Variants in FLNB observed in about 807,000 individuals in gnomAD.
FLNB encodes filamin-B.
Under a neutral mutation model 250.6 loss-of-function variants are expected in FLNB, and 111 were observed. The observed-to-expected ratio is 0.44, with a 90% CI of 0.38 to 0.52. FLNB has a LOEUF of 0.52. FLNB is among the 20% of genes least tolerant of loss of function. The pLI is 0.00. For missense variants in FLNB, 2,869 were observed against 3,447.8 expected (o/e 0.83, Z 4.20); for synonymous variants, 1,302 against 1,372.1 (o/e 0.95, Z 1.13).
At chr3:58,134,901 A>C in intron 27 of FLNB, 129 bp downstream of exon 27, 1 of 862,076 alleles carries the variant, frequency 1.2e-6, no homozygotes, top group Non-Finnish European at 1.9e-6. Context: ...TTTCCCACCA[A>C]AGAGTCAGTA....
chr3:58,107,796 A>G (rs1300826426), intron 12 of FLNB, among the ~76,000 whole-genome samples: 3 of 152,242 alleles, frequency 2.0e-5, no homozygotes, highest in Non-Finnish European at 4.4e-5. Context: ...GCAGCTGTCC[A>G]TAGGCTGATG....
chr3:58,100,463 A>C (rs1322941315), intron 8 of FLNB, among the ~76,000 whole-genome samples: 1 of 147,274 alleles, frequency 6.8e-6, no homozygotes. Context: ...ATCATGGCTC[A>C]CTTGTAGCCT....
At position 58,164,550 on chromosome 3, in the gene FLNB, G is replaced by A. The variant is rs994777619; in HGVS notation, c.7198+1220G>A. The A allele has an allele frequency of 1.3e-5, 2 of 152,474 alleles. No homozygotes were observed. The highest frequency in any genetic ancestry group is 2.4e-5 in the African/African-American group (1 of 41,438). 9.4% of individuals were successfully genotyped at this position (152,474 alleles called of 1,614,324 possible). ...ATGGTTGCCTGGCATCCAGCCCTAG[G>A]AGCAAGTGACCTGTGTGGCCAAGGG... is the stretch of plus-strand genomic sequence containing the variant. On this transcript the variant is annotated intron_variant, in intron 43 of 45. Transcript: ENST00000295956. This position sits in a 1 kb window ranked among gnomAD's most constrained non-coding sequence, Gnocchi z 4.0.
intron 3 of FLNB, 81 bp downstream of exon 3, chr3:58,078,895 C>A: frequency 1.0e-6 from 1 of 1,002,692 alleles, no homozygotes; most frequent in Non-Finnish European, 1.5e-6. Context: ...GGTCAGGCAG[C>A]CCGACCTTCT....
chr3:58,099,608 C>G (rs1041116815), intron 8 of FLNB, among the ~76,000 whole-genome samples: 1 of 152,128 alleles, frequency 6.6e-6, no homozygotes, highest in African/African-American at 2.4e-5. Context: ...TTGCCTTTCC[C>G]TGTTCTGTCC....
intron 1 of FLNB, among the ~76,000 whole-genome samples, chr3:58,025,043 A>G (rs1423989114): frequency 1.6e-5 from 2 of 125,796 alleles, no homozygotes; most frequent in South Asian, 5.0e-4. Context: ...AAGTAGCTCC[A>G]TTGCCCTCCC....
At chr3:58,061,273 A>C (rs899813659) in intron 1 of FLNB, among the ~76,000 whole-genome samples, 18 of 152,130 alleles carry the variant, frequency 1.2e-4, no homozygotes, top group African/African-American at 4.1e-4. Context: ...TCAAATTTGA[A>C]CCTGTCATAC....
At position 58,153,636 on chromosome 3, in the gene FLNB, T is replaced by A. The variant is rs1462912422; in HGVS notation, c.6629T>A (p.Val2210Asp). The stretch of plus-strand genomic sequence containing the variant: ...GGCCTGGAGAGAGGAGAAGCGGGAG[T>A]CCCAGGTGAGCATTGCGGGCAGGAT... The part of the protein sequence containing the change: ...GPGLERGEAG[V>D]PAEFSIWTRE... Residue 2210 changes from valine (V) to aspartate (D), a missense_variant, in exon 39 of 46, where the codon GTC becomes GAC. This residue lies in a region of FLNB where 1,084 missense variants were observed against 1,315.5 expected (regional missense o/e 0.82). Transcript: ENST00000295956. The A allele has an allele frequency of 6.2e-7, 1 of 1,613,624 alleles. No individual in the cohort carries two copies. Among genetic ancestry groups the A allele is most frequent in the Middle Eastern group, 1.7e-4 (1 of 6,056 alleles).
intron 1 of FLNB, among the ~76,000 whole-genome samples, chr3:58,033,177 A>G (rs1462086354): frequency 6.6e-6 from 1 of 152,324 alleles, no homozygotes; most frequent in Admixed American, 6.5e-5. Flanking sequence ...CTGTGTACAC[A>G]TGTACACTCA....
intron 1 of FLNB, among the ~76,000 whole-genome samples, chr3:58,030,939 A>T (rs1296214325): frequency 6.6e-6 from 1 of 152,224 alleles, no homozygotes; most frequent in Admixed American, 6.5e-5. Context: ...CCTACTGTGT[A>T]TCCACAAAAG....
At chr3:58,108,110 GAACAAA>G in intron 12 of FLNB, among the ~76,000 whole-genome samples, 1 of 151,632 alleles carries the variant, frequency 6.6e-6, no homozygotes, top group Middle Eastern at 3.4e-3. Context: ...GATAGCCGAT[GAACAAA>G]AACAAAAACA....
chr3:58,104,025 C>G lies in FLNB; in HGVS notation c.1550C>G (p.Pro517Arg). The G allele has an allele frequency of 2.5e-6, 4 of 1,613,946 alleles. No homozygotes were observed. The highest frequency in any genetic ancestry group is 3.4e-6 in the Non-Finnish European group (4 of 1,179,996). Residue 517 changes from proline to arginine, a missense_variant, in exon 10 of 46, where the codon CCC becomes CGC. Physicochemically the swap from Pro to Arg is moderately radical, Grantham distance 103. Transcript: ENST00000295956. ...LDGVYAFEYY[P>R]STPGRYSIAI... ...GGGGTCTACGCATTCGAGTATTACC[C>G]CAGCACCCCGGGGAGATACAGCATT...
chr3:58,031,886 T>G (rs892999061), intron 1 of FLNB, among the ~76,000 whole-genome samples: 4 of 151,920 alleles, frequency 2.6e-5, no homozygotes, highest in African/African-American at 9.7e-5. Context: ...ATTACTAAGC[T>G]TGACCAGGGG....
chr3:58,071,966 C>G (rs906876725), intron 1 of FLNB, among the ~76,000 whole-genome samples: 1 of 149,902 alleles, frequency 6.7e-6, no homozygotes, highest in Non-Finnish European at 1.5e-5. Flanking sequence ...CGGTTTCCAC[C>G]CCCGTGAATG....
Position 58,138,390 on chromosome 3 carries a change from G to A in FLNB, c.4970G>A (p.Gly1657Asp), listed in dbSNP as rs1262947965. ...KVTCTVLTPDGTEAEADVIEN... is the reference protein window; with the variant it reads ...KVTCTVLTPDDTEAEADVIEN... ...ACCTGCACGGTTCTGACCCCAGATG[G>A]CACTGAGGCCGAGGCCGATGTCATT... is the stretch of plus-strand genomic sequence containing the variant. Residue 1657 changes from glycine (G) to aspartate (D), a missense_variant, in exon 29 of 46, where the codon GGC becomes GAC. Coordinates refer to ENST00000295956, the MANE Select transcript of FLNB (RefSeq NM_001457.4). The A allele has an allele frequency of 6.2e-7, 1 of 1,614,130 alleles. No homozygotes were observed. Among genetic ancestry groups the A allele is most frequent in the Non-Finnish European group, 8.5e-7 (1 of 1,180,052 alleles).
chr3:58,063,045 ACT>A (rs1344366909), intron 1 of FLNB, among the ~76,000 whole-genome samples: 1 of 151,528 alleles, frequency 6.6e-6, no homozygotes, highest in African/African-American at 2.4e-5. Flanking sequence ...GGGAGTTACG[ACT>A]CTCATTTTGC....
At chr3:58,127,293 T>C (rs2097299538) in intron 24 of FLNB, among the ~76,000 whole-genome samples, 1 of 149,264 alleles carries the variant, frequency 6.7e-6, no homozygotes, top group African/African-American at 2.5e-5. Flanking sequence ...GCCACTGCGC[T>C]CCAGCTTGGG....
chr3:58,023,083 G>T (rs568464941), intron 1 of FLNB, among the ~76,000 whole-genome samples: 5 of 151,204 alleles, frequency 3.3e-5, no homozygotes, highest in Non-Finnish European at 5.9e-5. Context: ...TAAAGTGCTG[G>T]GATCAGGCTT....
intron 25 of FLNB, chr3:58,131,982 C>G (rs779697273): frequency 1.3e-6 from 2 of 1,537,136 alleles, no homozygotes; most frequent in South Asian, 2.4e-5. Flanking sequence ...TTTCAGAGTT[C>G]TTTAAAGGTG....
Sources: allele counts gnomAD v4.1 joint callset (sites outside exome capture counted in the v4.1 genomes callset), GRCh38; gene constraint gnomAD v4.1.1; regional missense constraint gnomAD v4.1.1; non-coding constraint Gnocchi (gnomAD v3.1); transcripts MANE v1.5; gene names NCBI Gene and HGNC (gene_info 2026-07-23, HGNC 2026-07-21).